HPSE2: variants seen among roughly 807,000 people sequenced by gnomAD.
The protein encoded by HPSE2 is heparanase 2 (inactive).
Under a neutral mutation model 60.5 loss-of-function variants are expected in HPSE2, and 38 were observed. The observed-to-expected ratio is 0.63, with a 90% CI of 0.48 to 0.82. The LOEUF (loss-of-function observed/expected upper bound fraction) is 0.82. Among genes scored for constraint, HPSE2 ranks in the 40% least tolerant of loss-of-function variants. The probability of loss-of-function intolerance (pLI) is 0.00; values close to 1 mark genes in which losing one functional copy is unlikely to be tolerated. For missense variants in HPSE2, 713 were observed against 740.4 expected (o/e 0.96, Z 0.43); for synonymous variants, 295 against 293.2 (o/e 1.01, Z -0.06).
chr10:98,681,032 G>A (rs1947773708), intron 6 of HPSE2, among the ~76,000 whole-genome samples: 1 of 151,862 alleles, frequency 6.6e-6, no homozygotes, highest in African/African-American at 2.4e-5. Flanking sequence ...CCAAAGTGCT[G>A]GGGTTACAGG....
intron 11 of HPSE2, among the ~76,000 whole-genome samples, chr10:98,480,399 T>C (rs554918964): frequency 6.6e-6 from 1 of 152,262 alleles, no homozygotes; most frequent in South Asian, 2.1e-4. Context: ...CCTACATTCT[T>C]AACAAAGTTG....
At chr10:99,138,812 AGCAAGCC>A (rs1439650905) in intron 3 of HPSE2, among the ~76,000 whole-genome samples, 1 of 152,168 alleles carries the variant, frequency 6.6e-6, no homozygotes, top group African/African-American at 2.4e-5. Context: ...TGATGGGTGG[AGCAAGCC>A]GCCATGGCAT....
intron 9 of HPSE2, among the ~76,000 whole-genome samples, chr10:98,602,509 C>G (rs908658641): frequency 1.3e-5 from 2 of 151,982 alleles, no homozygotes; most frequent in Non-Finnish European, 2.9e-5. Context: ...TCACACTTTC[C>G]AATTTCAAAG....
intron 9 of HPSE2, among the ~76,000 whole-genome samples, chr10:98,590,480 A>T (rs951173259): frequency 6.6e-6 from 1 of 152,174 alleles, no homozygotes. Flanking sequence ...TTGTTTAAAT[A>T]TCACCCTTTA....
At chr10:99,278,514 T>C in the HPSE2 span, among the ~76,000 whole-genome samples, 1 of 152,098 alleles carries the variant, frequency 6.6e-6, no homozygotes, top group Non-Finnish European at 1.5e-5. Context: ...CATTCCTGGA[T>C]TTCCCATCCA....
chr10:99,132,241 G>GAGAAAGAAAGAAAGAAAGAA (rs1162292360), intron 3 of HPSE2, among the ~76,000 whole-genome samples: 114 of 28,908 alleles, frequency 3.9e-3, no homozygotes, highest in Middle Eastern at 0.032. Context: ...GAGAGAGAGA[G>GAGAAAGAAAGAAAGAAAGAA]AGAAAGAAAG....
chr10:98,928,723 T>C lies in HPSE2; in HGVS notation c.611-184667A>G, dbSNP rs1047861041. The stretch of plus-strand genomic sequence containing the variant: ...TAAAATTGGAAATCATCATTCTCAG[T>C]AAACTATCGCAAGAACAAAAAACCA... On this transcript the variant is annotated intron_variant, in intron 3 of 11. Coordinates refer to ENST00000370552, the MANE Select transcript of HPSE2 (RefSeq NM_021828.5). 1.2e-4 allele frequency among the ~76,000 whole-genome samples: 16 copies of C among 135,514 alleles called. No individual in the cohort carries two copies. In the South Asian group the frequency reaches 3.3e-3, roughly 28 times the overall value. 88.9% of individuals were successfully genotyped at this position (135,514 alleles called of 152,430 possible). A position where few individuals can be genotyped will look rare whatever the true frequency, so the allele number is the denominator to read the frequency against.
rs141763093 is a variant in HPSE2, at chr10:99,220,387, G to C, written c.448+11961C>G. Among the ~76,000 whole-genome samples the C allele has an allele frequency of 3.9e-4, 60 of 152,156 alleles. 1 individual carries two copies. The highest frequency in any genetic ancestry group is 1.4e-3 in the African/African-American group (58 of 41,534). On this transcript the variant is annotated intron_variant, in intron 2 of 11. Coordinates refer to ENST00000370552, the MANE Select transcript of HPSE2 (RefSeq NM_021828.5). ...ACCAACTATAAGGTTATCTAGACAAGCAAGTTTTATAACAATGTGATTCTA... is the reference window on the plus strand; with the variant it reads ...ACCAACTATAAGGTTATCTAGACAACCAAGTTTTATAACAATGTGATTCTA...
At chr10:99,239,106 C>A (rs12572540), upstream of HPSE2, among the ~76,000 whole-genome samples, 3,101 of 152,054 alleles carry the variant, frequency 0.02, 112 homozygotes, top group East Asian at 0.15. Flanking sequence ...TTGCAGTGAG[C>A]CAAGATGGAG....
At chr10:98,767,952 T>C (rs949163923) in intron 3 of HPSE2, among the ~76,000 whole-genome samples, 2 of 149,496 alleles carry the variant, frequency 1.3e-5, no homozygotes, top group Non-Finnish European at 3.0e-5. Context: ...CATAGTAATA[T>C]ATAACTATAT....
intron 9 of HPSE2, among the ~76,000 whole-genome samples, chr10:98,584,264 T>C (rs1441458506): frequency 6.6e-6 from 1 of 152,134 alleles, no homozygotes; most frequent in Non-Finnish European, 1.5e-5. Context: ...GTACTTTTGG[T>C]TGTACTATGC....
At chr10:98,719,798 C>G (rs1948878653) in intron 5 of HPSE2, among the ~76,000 whole-genome samples, 1 of 151,404 alleles carries the variant, frequency 6.6e-6, no homozygotes, top group Admixed American at 6.6e-5. Flanking sequence ...GTCAGGAGCT[C>G]AACACCAGCC....
chr10:98,720,941 G>A (rs1220070976), intron 5 of HPSE2, among the ~76,000 whole-genome samples: 1 of 152,178 alleles, frequency 6.6e-6, no homozygotes, highest in Admixed American at 6.5e-5. Flanking sequence ...AAGGAATACA[G>A]AGCTGGTAAT....
chr10:98,488,499 G>A (rs185873062), intron 10 of HPSE2, among the ~76,000 whole-genome samples: 5 of 152,244 alleles, frequency 3.3e-5, no homozygotes, highest in Admixed American at 3.3e-4. Flanking sequence ...GAATGAGGAT[G>A]AACACTCGAG....
chr10:98,740,872 A>G (rs1198329666), intron 4 of HPSE2, among the ~76,000 whole-genome samples: 1 of 152,192 alleles, frequency 6.6e-6, no homozygotes, highest in African/African-American at 2.4e-5. Flanking sequence ...TACCATGAAA[A>G]TATTTTGAGG....
chr10:99,086,175 TGAG>T (rs1301854915), intron 3 of HPSE2, among the ~76,000 whole-genome samples: 1 of 152,138 alleles, frequency 6.6e-6, no homozygotes, highest in Non-Finnish European at 1.5e-5. Flanking sequence ...CAGTGTATGC[TGAG>T]TAGTAGAGAG....
At chr10:98,971,568 ATTGCTGCCCGTT>A (rs1955954740) in intron 3 of HPSE2, among the ~76,000 whole-genome samples, 1 of 152,152 alleles carries the variant, frequency 6.6e-6, no homozygotes, top group African/African-American at 2.4e-5. Context: ...TGTACTATAT[ATTGCTGCCCGTT>A]TATTTCACAA....
chr10:98,521,376 T>C (rs903948560), intron 9 of HPSE2, among the ~76,000 whole-genome samples: 3 of 151,990 alleles, frequency 2.0e-5, no homozygotes, highest in African/African-American at 7.2e-5. Flanking sequence ...AACAGACACA[T>C]GAAAAAATGC....
chr10:98,907,099 T>C (rs745351438), intron 3 of HPSE2, among the ~76,000 whole-genome samples: 8 of 152,112 alleles, frequency 5.3e-5, no homozygotes, highest in Non-Finnish European at 1.5e-5. Flanking sequence ...ACAAAGAAAT[T>C]AAGGCTTACA....
Sources: gnomAD v4.1 joint callset for allele counts (sites outside exome capture counted in the v4.1 genomes callset) on GRCh38, gnomAD v4.1.1 for gene constraint, MANE v1.5 for transcripts, NCBI Gene and HGNC (gene_info 2026-07-23, HGNC 2026-07-21) for gene names.